The following HMGCLL1 variants were observed in gnomAD, a reference collection of about 807,000 sequenced individuals.
The protein encoded by HMGCLL1 is 3-hydroxy-3-methylglutaryl-CoA lyase like 1.
In HMGCLL1, 36 loss-of-function variants were observed where a neutral mutation model predicts 39.1. That is an observed-to-expected ratio of 0.92 (90% CI 0.71 to 1.22). The LOEUF is 1.22. HMGCLL1 is among the 50% of genes most tolerant of loss of function. The pLI, the probability that HMGCLL1 is intolerant of heterozygous loss-of-function variation, is 0.00. For synonymous variants in HMGCLL1, 149 were observed against 144.0 expected (o/e 1.03, Z -0.25); for missense variants, 451 against 416.5 (o/e 1.08, Z -0.72).
At chr6:55,557,996 G>A (rs3925002) in intron 1 of HMGCLL1, among the ~76,000 whole-genome samples, 44,495 of 151,956 alleles carry the variant, frequency 0.29, 7,274 homozygotes, top group East Asian at 0.51. Flanking sequence ...CTCAGGTTTG[G>A]TTGAAAACTA....
the HMGCLL1 span, among the ~76,000 whole-genome samples, chr6:55,634,705 T>C: frequency 6.6e-6 from 1 of 152,148 alleles, no homozygotes; most frequent in Non-Finnish European, 1.5e-5. Context: ...TGTGGCACAC[T>C]GAGTAAATTA....
At chr6:55,600,672 T>G in the HMGCLL1 span, among the ~76,000 whole-genome samples, 2 of 152,066 alleles carry the variant, frequency 1.3e-5, no homozygotes, top group African/African-American at 4.8e-5. Context: ...AATAAAAAAA[T>G]TAACATAAAA....
chr6:55,526,419 C>A (rs1290946619), intron 3 of HMGCLL1, among the ~76,000 whole-genome samples: 1 of 151,992 alleles, frequency 6.6e-6, no homozygotes, highest in Non-Finnish European at 1.5e-5. Context: ...TATTATCTAT[C>A]ATTGCTCTTA....
chr6:55,537,096 A>C (rs1769077934), intron 3 of HMGCLL1, among the ~76,000 whole-genome samples: 1 of 151,408 alleles, frequency 6.6e-6, no homozygotes, highest in Admixed American at 6.6e-5. Flanking sequence ...TGACTTCATA[A>C]GATTTTTTTT....
chr6:55,578,969 T>G lies in HMGCLL1; in HGVS notation c.87A>C (p.Ala29=). 1.2e-6 allele frequency: 2 copies of G among 1,613,226 alleles called. No homozygotes were observed. The highest frequency in any genetic ancestry group is 1.7e-6 in the Non-Finnish European group (2 of 1,179,650). The stretch of plus-strand genomic sequence containing the variant: ...GTACCTGCGCGGGGTCGAGCGCCCC[T>G]GCCACTGAATCCCCGATCCAGAGAT... The part of the protein sequence containing the change: ...REHLWIGDSV[A]GALDPAQETS... Residue 29 remains alanine (A), a synonymous_variant, in exon 1 of 9, where the codon GCA becomes GCC. Transcript: ENST00000274901.
intron 1 of HMGCLL1, among the ~76,000 whole-genome samples, chr6:55,562,799 A>C (rs181783645): frequency 1.5e-4 from 23 of 152,166 alleles, no homozygotes; most frequent in Non-Finnish European, 1.3e-4. Flanking sequence ...TTTCTCATAC[A>C]TACCCAATTT....
the HMGCLL1 span, among the ~76,000 whole-genome samples, chr6:55,650,126 TATATATATACACAC>T: frequency 7.6e-4 from 41 of 53,722 alleles, no homozygotes; most frequent in East Asian, 3.5e-3. Context: ...TATATATATA[TATATATATACACAC>T]ACACACACAT....
the HMGCLL1 span, among the ~76,000 whole-genome samples, chr6:55,649,524 C>T: frequency 6.6e-5 from 10 of 151,570 alleles, no homozygotes; most frequent in South Asian, 2.1e-4. Flanking sequence ...CATTCTTGGC[C>T]GTCAGGAATT....
chr6:55,670,543 G>C, the HMGCLL1 span, among the ~76,000 whole-genome samples: 6 of 151,684 alleles, frequency 4.0e-5, no homozygotes, highest in African/African-American at 7.2e-5. Flanking sequence ...TAGATGTAAT[G>C]AATAAGATAC....
At chr6:55,522,187 A>G (rs1292059426) in intron 3 of HMGCLL1, among the ~76,000 whole-genome samples, 1 of 151,946 alleles carries the variant, frequency 6.6e-6, no homozygotes. Context: ...ATGATAAATT[A>G]TTACTTTTTA....
rs746837826 is a variant in HMGCLL1, at chr6:55,439,457, G to A, written c.898C>T (p.Leu300Phe). The A allele has an allele frequency of 6.2e-7, 1 of 1,612,586 alleles. No homozygotes were observed. Among genetic ancestry groups the A allele is most frequent in the East Asian group, 2.2e-5 (1 of 44,838 alleles). ...ACTGTATTGAGCCCCAGGCCATTAA[G>A]CATATATATCAAATCCTCAGTGGCT... is the stretch of plus-strand genomic sequence containing the variant. The part of the protein sequence containing the change: ...NVATEDLIYM[L>F]NGLGLNTGVN... Residue 300 changes from leucine (L) to phenylalanine (F), a missense_variant, in exon 8 of 9, where the codon CTT (leucine) becomes TTT (phenylalanine). Coordinates refer to ENST00000274901, the MANE Select transcript of HMGCLL1 (RefSeq NM_001042406.2).
At chr6:55,460,188 G>T (rs982973322) in intron 7 of HMGCLL1, among the ~76,000 whole-genome samples, 1 of 151,914 alleles carries the variant, frequency 6.6e-6, no homozygotes, top group Non-Finnish European at 1.5e-5. Context: ...TTTTAGAGAG[G>T]TGGGACTCTT....
At chr6:55,603,723 G>A in the HMGCLL1 span, among the ~76,000 whole-genome samples, 1 of 152,060 alleles carries the variant, frequency 6.6e-6, no homozygotes, top group East Asian at 1.9e-4. Context: ...AAATTATTAA[G>A]ACAGTGAGCG....
chr6:55,593,367 A>G, the HMGCLL1 span, among the ~76,000 whole-genome samples: 1 of 152,234 alleles, frequency 6.6e-6, no homozygotes, highest in Admixed American at 6.5e-5. Context: ...TATATTTCTC[A>G]GCATTCAAAC....
At chr6:55,493,909 A>AT (rs993916126) in intron 7 of HMGCLL1, among the ~76,000 whole-genome samples, 23 of 151,078 alleles carry the variant, frequency 1.5e-4, no homozygotes, top group Admixed American at 5.9e-4. Flanking sequence ...ATTTTTTTGT[A>AT]TTTTTTTAGT....
At chr6:55,616,436 G>A in the HMGCLL1 span, among the ~76,000 whole-genome samples, 2 of 152,236 alleles carry the variant, frequency 1.3e-5, no homozygotes, top group African/African-American at 4.8e-5. Context: ...CAACATGACA[G>A]TTGATCACAG....
the HMGCLL1 span, among the ~76,000 whole-genome samples, chr6:55,643,496 C>G: frequency 6.6e-6 from 1 of 152,020 alleles, no homozygotes; most frequent in South Asian, 2.1e-4. Context: ...TCTTCCTATT[C>G]ATTAAATTAT....
chr6:55,454,690 T>C (rs901709128), intron 7 of HMGCLL1, among the ~76,000 whole-genome samples: 10 of 152,232 alleles, frequency 6.6e-5, no homozygotes, highest in Admixed American at 4.6e-4. Context: ...CTAAGAATGT[T>C]TGCAGACCAG....
At chr6:55,639,254 T>A in the HMGCLL1 span, among the ~76,000 whole-genome samples, 1 of 151,954 alleles carries the variant, frequency 6.6e-6, no homozygotes, top group Non-Finnish European at 1.5e-5. Flanking sequence ...CTACCATTAC[T>A]GATAACATTT....
Sources: gnomAD v4.1 joint callset for allele counts (sites outside exome capture counted in the v4.1 genomes callset) on GRCh38, gnomAD v4.1.1 for gene constraint, MANE v1.5 for transcripts, NCBI Gene and HGNC (gene_info 2026-07-23, HGNC 2026-07-21) for gene names.